PTGER3: variants seen among roughly 807,000 people sequenced by gnomAD.
PTGER3 encodes prostaglandin E receptor 3.
PTGER3 carries 22 observed loss-of-function variants against 34.7 expected under a neutral mutation model. The observed-to-expected ratio is 0.63, with a 90% CI of 0.45 to 0.91. The LOEUF is 0.91. Among genes scored for constraint, PTGER3 ranks in the 40% least tolerant of loss-of-function variants. The pLI, the probability that PTGER3 is intolerant of heterozygous loss-of-function variation, is 0.00. For synonymous variants in PTGER3, 241 were observed against 230.1 expected (o/e 1.05, Z -0.43); for missense variants, 468 against 519.4 (o/e 0.90, Z 0.96).
At chr1:70,918,664 G>A (rs1647268183) in intron 4 of PTGER3, among the ~76,000 whole-genome samples, 1 of 151,876 alleles carries the variant, frequency 6.6e-6, no homozygotes, top group African/African-American at 2.4e-5. Context: ...CACAATCTGG[G>A]CCTTACTCTC....
chr1:70,985,109 C>G (rs1654789070), intron 2 of PTGER3, among the ~76,000 whole-genome samples: 1 of 152,126 alleles, frequency 6.6e-6, no homozygotes, highest in African/African-American at 2.4e-5. Context: ...GAAGAGGAGA[C>G]AGCATAGAAA....
At chr1:70,912,680 T>C (rs1372341826) in intron 4 of PTGER3, among the ~76,000 whole-genome samples, 1 of 152,084 alleles carries the variant, frequency 6.6e-6, no homozygotes, top group Non-Finnish European at 1.5e-5. Context: ...GCAAAAACCC[T>C]TCTATTTTGT....
chr1:71,041,599 G>A (rs1390379550), intron 1 of PTGER3, among the ~76,000 whole-genome samples: 3 of 152,200 alleles, frequency 2.0e-5, no homozygotes. Context: ...TATGAAAGTT[G>A]GAAGTTTCTA....
intron 2 of PTGER3, among the ~76,000 whole-genome samples, chr1:70,962,462 T>C (rs1213212103): frequency 6.6e-6 from 1 of 151,552 alleles, no homozygotes; most frequent in Non-Finnish European, 1.5e-5. Context: ...AACAAAGACA[T>C]ACCTGAGACT....
intron 4 of PTGER3, among the ~76,000 whole-genome samples, chr1:70,924,122 G>T (rs79410358): frequency 6.6e-6 from 1 of 151,896 alleles, no homozygotes; most frequent in Non-Finnish European, 1.5e-5. Context: ...TACCCAACTT[G>T]TAGGTATCTG....
intron 4 of PTGER3, among the ~76,000 whole-genome samples, chr1:70,937,285 A>T (rs1487120860): frequency 6.6e-6 from 1 of 152,208 alleles, no homozygotes; most frequent in African/African-American, 2.4e-5. Context: ...TGTGTTGCCA[A>T]ACATGTTTAT....
At chr1:71,004,327 T>A (rs1222047836) in intron 2 of PTGER3, among the ~76,000 whole-genome samples, 1 of 152,144 alleles carries the variant, frequency 6.6e-6, no homozygotes, top group Non-Finnish European at 1.5e-5. Flanking sequence ...TAGGTTTCAG[T>A]AGTGTCAGTT....
Position 71,046,901 on chromosome 1 carries a change from C to A in PTGER3, c.677G>T (p.Gly226Val). The A allele has an allele frequency of 6.2e-7, 1 of 1,612,398 alleles. No homozygotes were observed. Among genetic ancestry groups the A allele is most frequent in the Non-Finnish European group, 8.5e-7 (1 of 1,179,308 alleles). ...GNGTSSSHNW[G>V]NLFFASAFAF... The stretch of plus-strand genomic sequence containing the variant: ...AAAGGCAGAGGCGAAGAAAAGGTTG[C>A]CCCAGTTATGCGAAGAGCTAGTCCC... Residue 226 changes from glycine to valine, a missense_variant, in exon 1 of 4, where the codon GGC becomes GTC. Transcript: ENST00000306666.
At chr1:70,968,208 T>C (rs1652724831), downstream of PTGER3, among the ~76,000 whole-genome samples, 2 of 152,378 alleles carry the variant, frequency 1.3e-5, no homozygotes, top group Admixed American at 6.5e-5. Flanking sequence ...TTTCTTCCAA[T>C]GCAAAAGCTG....
At chr1:70,881,493 T>TTTG (rs748082106) in intron 4 of PTGER3, among the ~76,000 whole-genome samples, 2 of 152,092 alleles carry the variant, frequency 1.3e-5, no homozygotes, top group Non-Finnish European at 2.9e-5. Context: ...TTTTGCCTTT[T>TTTG]TTGTTGTTGT....
At chr1:70,910,601 A>G (rs1647039287) in intron 4 of PTGER3, among the ~76,000 whole-genome samples, 1 of 152,170 alleles carries the variant, frequency 6.6e-6, no homozygotes, top group Non-Finnish European at 1.5e-5. Context: ...AAAATTCAGA[A>G]TATTAATTTT....
At chr1:70,944,824 G>T (rs1000089240) in intron 4 of PTGER3, among the ~76,000 whole-genome samples, 15 of 152,064 alleles carry the variant, frequency 9.9e-5, no homozygotes, top group African/African-American at 3.4e-4. Flanking sequence ...ATAATCAGTG[G>T]ATTTTCATCA....
At chr1:70,882,780 G>A (rs1403827490) in intron 4 of PTGER3, among the ~76,000 whole-genome samples, 1 of 152,286 alleles carries the variant, frequency 6.6e-6, no homozygotes, top group East Asian at 1.9e-4. Context: ...CCATGTGGGA[G>A]AGGTTCTCCT....
At chr1:70,952,224 T>C (rs77440633), downstream of PTGER3, among the ~76,000 whole-genome samples, 210 of 152,244 alleles carry the variant, frequency 1.4e-3, 2 homozygotes, top group East Asian at 0.032. Flanking sequence ...ACTTGCCACA[T>C]TTACTTATTA....
At position 71,010,532 on chromosome 1, in the gene PTGER3, T is replaced by C. The variant is rs573623235; in HGVS notation, c.1077+1773A>G. ...CACTCAAATTCACATTGCCTCTGTG[T>C]CTATCTGACTAGAACTTAGGGTCAC... is the stretch of plus-strand genomic sequence containing the variant. On this transcript the variant is annotated intron_variant, in intron 2 of 3. Transcript: ENST00000306666. The C allele has an allele frequency of 5.1e-6, 5 of 984,516 alleles. No homozygotes were observed. The East Asian group carries it at 5.7e-4, about 112-fold the overall frequency. 61.0% of individuals were successfully genotyped at this position (984,516 alleles called of 1,614,324 possible).
intron 4 of PTGER3, among the ~76,000 whole-genome samples, chr1:70,918,346 T>G (rs1444969378): frequency 6.6e-6 from 1 of 152,010 alleles, no homozygotes; most frequent in Non-Finnish European, 1.5e-5. Flanking sequence ...GGCAATAATT[T>G]TTTTGAATAA....
intron 4 of PTGER3, among the ~76,000 whole-genome samples, chr1:70,885,536 C>A (rs188610474): frequency 2.0e-4 from 30 of 152,028 alleles, no homozygotes; most frequent in African/African-American, 3.9e-4. Context: ...TGTAATATGA[C>A]TGATACAAAA....
At chr1:70,982,421 C>T (rs74087118) in intron 2 of PTGER3, among the ~76,000 whole-genome samples, 8,673 of 152,094 alleles carry the variant, frequency 0.057, 447 homozygotes, top group African/African-American at 0.13. Context: ...AAACATCGAT[C>T]AGTATATGAC....
chr1:70,860,674 C>T (rs1645908293), intron 4 of PTGER3, among the ~76,000 whole-genome samples: 2 of 152,060 alleles, frequency 1.3e-5, no homozygotes, highest in Admixed American at 1.3e-4. Context: ...GTCATCATTT[C>T]ACTTAAAGTT....
Sources: gnomAD v4.1 joint callset for allele counts (sites outside exome capture counted in the v4.1 genomes callset) on GRCh38, gnomAD v4.1.1 for gene constraint, MANE v1.5 for transcripts, NCBI Gene and HGNC (gene_info 2026-07-23, HGNC 2026-07-21) for gene names.